POGZ: variants seen among roughly 807,000 people sequenced by gnomAD.
The protein encoded by POGZ is pogo transposable element derived with ZNF domain.
POGZ carries 17 observed loss-of-function variants against 134.6 expected under a neutral mutation model. The observed-to-expected ratio is 0.13, with a 90% CI of 0.09 to 0.19. The LOEUF (loss-of-function observed/expected upper bound fraction) is 0.19. Ranked by LOEUF, POGZ falls within the 10% of genes least tolerant of loss-of-function variation. The pLI, the probability that POGZ is intolerant of heterozygous loss-of-function variation, is 1.00. For missense variants in POGZ, 1,306 were observed against 1,769.7 expected, an observed-to-expected ratio of 0.74 and a Z score of 4.70; for synonymous variants, 693 against 657.1, an observed-to-expected ratio of 1.05 and a Z score of -0.84.
chr1:151,440,089 G>T lies in POGZ; in HGVS notation c.283+839C>A, dbSNP rs74600714. Among the ~76,000 whole-genome samples, 1,492 of 151,784 alleles carry T rather than the reference G, an allele frequency of 9.8e-3. 70 individuals are homozygous for T. The highest frequency in any genetic ancestry group is 0.09 in the East Asian group (468 of 5,174). On this transcript the variant is annotated intron_variant, in intron 3 of 18. Transcript: ENST00000271715. ...TGAAAATCACCACATATAACATATA[G>T]ATGTATATAAAAATAAAAAATAAAT...
At chr1:151,444,398 A>G (rs1333413595) in intron 1 of POGZ, among the ~76,000 whole-genome samples, 3 of 152,240 alleles carry the variant, frequency 2.0e-5, no homozygotes, top group African/African-American at 4.8e-5. Context: ...TATATTTTCA[A>G]AAACTTTTTC....
chr1:151,424,476 C>T (rs932929234), intron 8 of POGZ, 190 bp from the exon 9 acceptor site: 11 of 475,718 alleles, frequency 2.3e-5, no homozygotes, highest in Non-Finnish European at 3.3e-5. Context: ...GCCACCCAAG[C>T]GCTATACTTT....
chr1:151,408,353 G>A (rs546615514), intron 14 of POGZ, 56 bp downstream of exon 14: 12 of 1,557,730 alleles, frequency 7.7e-6, no homozygotes, highest in African/African-American at 2.8e-5. Flanking sequence ...TGTGTATCAG[G>A]AATAATCCTG....
chr1:151,454,477 A>AT (rs1158893473), intron 1 of POGZ, among the ~76,000 whole-genome samples: 1 of 152,228 alleles, frequency 6.6e-6, no homozygotes, highest in East Asian at 1.9e-4. Context: ...TGTAAGAATC[A>AT]TAAGGGTTTT....
intron 17 of POGZ, 114 bp from the exon 18 acceptor site, chr1:151,406,745 C>T: frequency 3.8e-6 from 4 of 1,063,246 alleles, no homozygotes; most frequent in South Asian, 1.4e-5. Context: ...CAGTGACCAG[C>T]TTTCCCAGTT....
chr1:151,440,595 A>AT (rs1449580169), intron 3 of POGZ, among the ~76,000 whole-genome samples: 3 of 152,184 alleles, frequency 2.0e-5, no homozygotes, highest in Non-Finnish European at 2.9e-5. Flanking sequence ...AACTAATGGA[A>AT]TTTTTCTCAT....
At chr1:151,456,921 C>T (rs1445822135) in intron 1 of POGZ, among the ~76,000 whole-genome samples, 2 of 152,190 alleles carry the variant, frequency 1.3e-5, no homozygotes, top group Non-Finnish European at 2.9e-5. Flanking sequence ...GCTTCAAGGG[C>T]ATTCTCAAGT....
intron 10 of POGZ, among the ~76,000 whole-genome samples, chr1:151,419,024 C>CAAAAAAAAAAAAA (rs71090164): frequency 1.9e-5 from 1 of 52,158 alleles, no homozygotes; most frequent in African/African-American, 6.7e-5. Context: ...AGCTCTGTCT[C>CAAAAAAAAAAAAA]AAAAAAAAAA....
In POGZ at chr1:151,411,788, G is replaced by A. The variant is rs777636308; in HGVS notation, c.1780-17C>T. On this transcript the variant is annotated splice_polypyrimidine_tract_variant and intron_variant, in intron 11 of 18. Transcript: ENST00000271715. ...TTGACACACCTGAGTCACATAGGAG[G>A]GAAAATAAGGCTAAGAATGAAGTGA... 5 of 1,599,086 alleles carry A rather than the reference G, an allele frequency of 3.1e-6. No homozygotes were observed. Among genetic ancestry groups the A allele is most frequent in the South Asian group, 1.1e-5 (1 of 88,264 alleles).
chr1:151,458,788 G>A (rs1663110891), intron 1 of POGZ, among the ~76,000 whole-genome samples: 1 of 145,788 alleles, frequency 6.9e-6, no homozygotes, highest in South Asian at 2.1e-4. Flanking sequence ...GTCGGGCTGT[G>A]TGCGGGGCCG....
chr1:151,458,718 C>G (rs1041439897), intron 1 of POGZ, among the ~76,000 whole-genome samples: 1 of 145,624 alleles, frequency 6.9e-6, no homozygotes, highest in Non-Finnish European at 1.5e-5. Flanking sequence ...CAGCGGGCCA[C>G]CGCCCGCGCC....
chr1:151,432,016 A>C (rs1251663598), intron 3 of POGZ, among the ~76,000 whole-genome samples: 1 of 152,024 alleles, frequency 6.6e-6, no homozygotes, highest in Non-Finnish European at 1.5e-5. Flanking sequence ...TAAAAATACA[A>C]CAATTAGCCA....
intron 1 of POGZ, among the ~76,000 whole-genome samples, chr1:151,454,537 G>C (rs1471208666): frequency 1.3e-5 from 2 of 152,044 alleles, no homozygotes; most frequent in Non-Finnish European, 2.9e-5. Flanking sequence ...CTTTCCTCTT[G>C]TCTGGTAGCC....
intron 12 of POGZ, 41 bp downstream of exon 12, chr1:151,411,584 A>G (rs1654679789): frequency 3.3e-6 from 5 of 1,495,664 alleles, no homozygotes; most frequent in Non-Finnish European, 4.5e-6. Context: ...TTTAAAAAAA[A>G]AAAAAACAAG....
chr1:151,403,670 T>G lies in POGZ; in HGVS notation c.*1132A>C. On this transcript the variant is annotated 3_prime_UTR_variant, in exon 19 of 19. Transcript: ENST00000271715. ...GTGCACACCCCTGTGCGCTTCTTCC[T>G]GTCAGATTCTTCCCTAAGTATTAAG... is the stretch of plus-strand genomic sequence containing the variant. 1 of 985,850 alleles carries G rather than the reference T, an allele frequency of 1.0e-6. No individual in the cohort carries two copies. The highest frequency in any genetic ancestry group is 1.2e-6 in the Non-Finnish European group (1 of 829,878). The allele number at this position is 985,850 out of a possible 1,614,324, so 61.1% of individuals were successfully genotyped here.
At chr1:151,449,604 T>C (rs1214145985) in intron 1 of POGZ, among the ~76,000 whole-genome samples, 6 of 152,284 alleles carry the variant, frequency 3.9e-5, no homozygotes, top group Non-Finnish European at 2.9e-5. Flanking sequence ...TTAAAAATAT[T>C]TGTCCTCTCA....
At chr1:151,426,945 T>C (rs1284353167) in intron 7 of POGZ, 1 of 152,138 alleles carries the variant, frequency 6.6e-6, no homozygotes, top group Non-Finnish European at 1.5e-5. Flanking sequence ...CAGGGTGTCG[T>C]TCTGTTGCAG....
At chr1:151,436,639 TTA>T (rs1422275818) in intron 3 of POGZ, among the ~76,000 whole-genome samples, 2 of 152,204 alleles carry the variant, frequency 1.3e-5, no homozygotes, top group Non-Finnish European at 2.9e-5. Context: ...TTTCTCAGCA[TTA>T]TGTTTTCAAG....
chr1:151,427,791 C>A (rs905246696), intron 7 of POGZ, 32 bp downstream of exon 7: 1 of 1,381,324 alleles, frequency 7.2e-7, no homozygotes, highest in African/African-American at 1.4e-5. Context: ...TTTTGAATGA[C>A]TGGCTGCTCA....
Sources: gnomAD v4.1 joint callset for allele counts (sites outside exome capture counted in the v4.1 genomes callset) on GRCh38, gnomAD v4.1.1 for gene constraint, MANE v1.5 for transcripts, NCBI Gene and HGNC (gene_info 2026-07-23, HGNC 2026-07-21) for gene names.